HS6ST3: variants seen among roughly 807,000 people sequenced by gnomAD.
HS6ST3 encodes heparan sulfate 6-O-sulfotransferase 3.
In HS6ST3, 12 loss-of-function variants were observed where a neutral mutation model predicts 36.7. The observed-to-expected ratio is 0.33, with a 90% CI of 0.21 to 0.53. HS6ST3 has a LOEUF of 0.53. HS6ST3 is among the 20% of genes least tolerant of loss of function. The pLI, the probability that HS6ST3 is intolerant of heterozygous loss-of-function variation, is 0.95. For missense variants in HS6ST3, 584 were observed against 640.9 expected, an observed-to-expected ratio of 0.91 and a Z score of 0.96; for synonymous variants, 240 against 257.5, an observed-to-expected ratio of 0.93 and a Z score of 0.65.
intron 1 of HS6ST3, among the ~76,000 whole-genome samples, chr13:96,099,276 T>C (rs539337511): frequency 6.6e-6 from 1 of 152,314 alleles, no homozygotes; most frequent in South Asian, 2.1e-4. Context: ...AATAAAATGA[T>C]AGCTAAACCT....
intron 1 of HS6ST3, among the ~76,000 whole-genome samples, chr13:96,099,781 A>T (rs2139294179): frequency 6.6e-6 from 1 of 152,390 alleles, no homozygotes; most frequent in African/African-American, 2.4e-5. Context: ...TATTAGATTT[A>T]CAAAGTATTT....
intron 1 of HS6ST3, among the ~76,000 whole-genome samples, chr13:96,621,648 G>A (rs1417312103): frequency 6.6e-6 from 1 of 152,092 alleles, no homozygotes; most frequent in Non-Finnish European, 1.5e-5. Flanking sequence ...GATTGATTTA[G>A]TTACAGACTA....
chr13:96,251,377 A>G (rs1200140814), intron 1 of HS6ST3, among the ~76,000 whole-genome samples: 1 of 152,116 alleles, frequency 6.6e-6, no homozygotes, highest in East Asian at 1.9e-4. Context: ...GTATATGTAT[A>G]ATTCTTAATA....
chr13:96,352,488 G>A (rs74962051), intron 1 of HS6ST3, among the ~76,000 whole-genome samples: 1,953 of 152,274 alleles, frequency 0.013, 46 homozygotes, highest in African/African-American at 0.045. Flanking sequence ...CCCAGAGCAC[G>A]CGATCCAAGG....
chr13:96,122,535 C>T (rs2053931013), intron 1 of HS6ST3, among the ~76,000 whole-genome samples: 2 of 152,106 alleles, frequency 1.3e-5, no homozygotes, highest in African/African-American at 4.8e-5. Flanking sequence ...GAATACACTA[C>T]CAGAGATCAC....
At chr13:96,093,884 C>T (rs1031917759) in intron 1 of HS6ST3, among the ~76,000 whole-genome samples, 1 of 152,092 alleles carries the variant, frequency 6.6e-6, no homozygotes, top group African/African-American at 2.4e-5. Context: ...TACCTTTTCA[C>T]AATGCAAAAT....
intron 1 of HS6ST3, among the ~76,000 whole-genome samples, chr13:96,659,125 A>G (rs1040749579): frequency 1.3e-5 from 2 of 152,338 alleles, no homozygotes; most frequent in South Asian, 4.1e-4. Flanking sequence ...GCAGCAGTTT[A>G]TTCTTCCTTT....
At chr13:96,591,615 C>T (rs1330558548) in intron 1 of HS6ST3, among the ~76,000 whole-genome samples, 1 of 151,974 alleles carries the variant, frequency 6.6e-6, no homozygotes, top group Admixed American at 6.6e-5. Flanking sequence ...TTAGGGTTTT[C>T]CAAATATAGG....
chr13:96,264,745 A>G lies in HS6ST3; in HGVS notation c.707+173176A>G, dbSNP rs890700617. ...AGAGGTTTTGCAGCTCTCCAAAGCA[A>G]TCCAGTGTCACCATGGGTTATTTCT... On this transcript the variant is annotated intron_variant, in intron 1 of 1. Transcript: ENST00000376705. Among the ~76,000 whole-genome samples, 3 of 152,196 alleles carry G rather than the reference A, an allele frequency of 2.0e-5. No individual in the cohort carries two copies. In the South Asian group the frequency reaches 6.2e-4, roughly 32 times the overall value.
chr13:96,127,495 G>A (rs2053957517), intron 1 of HS6ST3, among the ~76,000 whole-genome samples: 1 of 152,206 alleles, frequency 6.6e-6, no homozygotes, highest in Non-Finnish European at 1.5e-5. Context: ...TCGCTTGCCT[G>A]CCACTCACCT....
At chr13:96,152,372 C>T (rs1031570597) in intron 1 of HS6ST3, among the ~76,000 whole-genome samples, 1 of 136,042 alleles carries the variant, frequency 7.4e-6, no homozygotes, top group Non-Finnish European at 1.5e-5. Context: ...GAGTCTCGCT[C>T]TGTCCCCCAG....
intron 1 of HS6ST3, among the ~76,000 whole-genome samples, chr13:96,633,969 G>A (rs765201639): frequency 2.0e-5 from 3 of 152,090 alleles, no homozygotes; most frequent in Non-Finnish European, 4.4e-5. Context: ...ATTAGGTCAT[G>A]AGGATGAAGT....
intron 1 of HS6ST3, among the ~76,000 whole-genome samples, chr13:96,665,507 T>G (rs1359030635): frequency 2.0e-5 from 3 of 152,170 alleles, no homozygotes; most frequent in Non-Finnish European, 4.4e-5. Flanking sequence ...GACAGCTCAC[T>G]GAAAAAATTA....
intron 1 of HS6ST3, among the ~76,000 whole-genome samples, chr13:96,362,849 G>A (rs2055245065): frequency 6.6e-6 from 1 of 152,136 alleles, no homozygotes; most frequent in African/African-American, 2.4e-5. Context: ...CAACAAATTT[G>A]ATGAATTTCA....
chr13:96,142,763 T>A (rs2054038284), intron 1 of HS6ST3, among the ~76,000 whole-genome samples: 1 of 152,154 alleles, frequency 6.6e-6, no homozygotes, highest in Non-Finnish European at 1.5e-5. Context: ...GAATAATTAG[T>A]GCAATTAAAT....
At chr13:96,689,755 C>G (rs1328019390) in intron 1 of HS6ST3, among the ~76,000 whole-genome samples, 1 of 151,560 alleles carries the variant, frequency 6.6e-6, no homozygotes, top group Non-Finnish European at 1.5e-5. Flanking sequence ...GCTCCCTTGG[C>G]TATTCTTTCA....
chr13:96,296,218 C>G lies in HS6ST3; in HGVS notation c.707+204649C>G, dbSNP rs374480340. 1.4e-3 allele frequency among the ~76,000 whole-genome samples: 216 copies of G among 152,258 alleles called. 1 individual carries two copies. Among genetic ancestry groups the G allele is most frequent in the Non-Finnish European group, 2.3e-3 (157 of 68,008 alleles). The stretch of plus-strand genomic sequence containing the variant: ...ACAGCACTGTCCTGAATTTTAAATA[C>G]CAGACTGACCTATACACTACAGAGT... On this transcript the variant is annotated intron_variant, in intron 1 of 1. Coordinates refer to ENST00000376705, the MANE Select transcript of HS6ST3 (RefSeq NM_153456.4).
intron 1 of HS6ST3, among the ~76,000 whole-genome samples, chr13:96,532,018 C>T (rs920807070): frequency 8.5e-5 from 13 of 152,142 alleles, no homozygotes; most frequent in Non-Finnish European, 1.9e-4. Flanking sequence ...ATGTGTTAGA[C>T]AAGTAACAGC....
intron 1 of HS6ST3, among the ~76,000 whole-genome samples, chr13:96,434,588 G>A (rs559057034): frequency 6.6e-6 from 1 of 152,184 alleles, no homozygotes; most frequent in African/African-American, 2.4e-5. Flanking sequence ...CTTTATTACA[G>A]CCCTTTCTTG....
Sources: allele counts gnomAD v4.1 joint callset (sites outside exome capture counted in the v4.1 genomes callset), GRCh38; gene constraint gnomAD v4.1.1; transcripts MANE v1.5; gene names NCBI Gene and HGNC (gene_info 2026-07-23, HGNC 2026-07-21).